The following TRAIP variants were observed in gnomAD, a reference collection of about 807,000 sequenced individuals.
TRAIP encodes the protein E3 ubiquitin-protein ligase TRAIP.
A neutral mutation model predicts 65.0 loss-of-function variants in TRAIP; 37 were observed. The observed-to-expected ratio is 0.57, with a 90% confidence interval of 0.44 to 0.75. The LOEUF (loss-of-function observed/expected upper bound fraction) is 0.75. Among genes scored for constraint, TRAIP ranks in the 30% least tolerant of loss-of-function variants. The probability of loss-of-function intolerance (pLI) is 0.00; values close to 1 mark genes in which losing one functional copy is unlikely to be tolerated. For synonymous variants in TRAIP, 187 were observed against 219.1 expected, an observed-to-expected ratio of 0.85 and a Z score of 1.29; for missense variants, 481 against 579.4, an observed-to-expected ratio of 0.83 and a Z score of 1.74.
chr3:49,848,051 A>C, intron 2 of TRAIP, 92 bp downstream of exon 2: 1 of 1,454,078 alleles, frequency 6.9e-7, no homozygotes, highest in Non-Finnish European at 9.6e-7. Context: ...AAAAAAGGTC[A>C]GAGATATTGC....
chr3:49,832,232 C>T (rs1313220044), intron 10 of TRAIP, among the ~76,000 whole-genome samples, 164 bp from the exon 11 acceptor site: 1 of 152,146 alleles, frequency 6.6e-6, no homozygotes, highest in Admixed American at 6.5e-5. Flanking sequence ...GTGGCTCACG[C>T]CTGTAATCCC....
At chr3:49,841,253 A>G (rs2081837060) in intron 7 of TRAIP, among the ~76,000 whole-genome samples, 181 bp from the exon 8 acceptor site, 1 of 152,200 alleles carries the variant, frequency 6.6e-6, no homozygotes, top group Non-Finnish European at 1.5e-5. Context: ...AATGCAAGGA[A>G]GTGACTATTT....
intron 10 of TRAIP, among the ~76,000 whole-genome samples, chr3:49,836,187 T>A (rs2081785048): frequency 6.6e-6 from 1 of 151,936 alleles, no homozygotes; most frequent in African/African-American, 2.4e-5. Flanking sequence ...ATTTTCCTAA[T>A]TTTAAATTAA....
At chr3:49,839,586 C>T (rs1192352454) in intron 10 of TRAIP, 186 bp downstream of exon 10, 8 of 609,674 alleles carry the variant, frequency 1.3e-5, no homozygotes, top group Admixed American at 8.5e-5. Flanking sequence ...CTGGCCTCTC[C>T]GTGTCAGAGC....
At chr3:49,848,738 T>C (rs2081906004) in intron 1 of TRAIP, among the ~76,000 whole-genome samples, 1 of 152,294 alleles carries the variant, frequency 6.6e-6, no homozygotes, top group East Asian at 1.9e-4. Context: ...AAATGATAAA[T>C]GCTTGAGGTG....
rs2081739391 is a variant in TRAIP, at chr3:49,832,125, C to T, written c.885-57G>A. ...CCACAGTGGTAACCCAGGACAACAGCTCCTGAAGCATCAGAGATAACTCAG... is the reference window on the plus strand; with the variant it reads ...CCACAGTGGTAACCCAGGACAACAGTTCCTGAAGCATCAGAGATAACTCAG... On this transcript the variant is annotated intron_variant, in intron 10 of 14. Transcript: ENST00000331456. The T allele has an allele frequency of 6.8e-6, 10 of 1,476,964 alleles. No homozygotes were observed. The South Asian group carries it at 8.5e-5, about 13-fold the overall frequency. 91.5% of individuals were successfully genotyped at this position (1,476,964 alleles called of 1,614,324 possible). A position where few individuals can be genotyped will look rare whatever the true frequency, so the allele number is the denominator to read the frequency against.
At position 49,837,446 on chromosome 3, in the gene TRAIP, G is replaced by C. The variant is rs2081798749; in HGVS notation, c.884+2326C>G. 2.6e-5 allele frequency among the ~76,000 whole-genome samples: 4 copies of C among 152,144 alleles called. No homozygotes were observed. In the South Asian group the frequency reaches 8.3e-4, roughly 32 times the overall value. On this transcript the variant is annotated intron_variant, in intron 10 of 14. Coordinates refer to ENST00000331456, the MANE Select transcript of TRAIP (RefSeq NM_005879.3). ...CCACTGCACTCCAGCCTGGGCAACA[G>C]AATGAGGCCCTATCTCAAAACAAAC...
intron 1 of TRAIP, among the ~76,000 whole-genome samples, chr3:49,854,834 ATTAC>A (rs1439667686): frequency 6.6e-6 from 1 of 151,898 alleles, no homozygotes; most frequent in Non-Finnish European, 1.5e-5. Context: ...AGGTGGGTGG[ATTAC>A]TTGAGTCCAG....
rs998555896 is a variant in TRAIP at position 49,856,447 on chromosome 3, T to C, written c.7A>G (p.Ile3Val). 7 of 1,613,582 alleles carry C rather than the reference T, an allele frequency of 4.3e-6. No homozygotes were observed. The highest frequency in any genetic ancestry group is 1.3e-5 in the African/African-American group (1 of 74,922). The change falls in exon 1 of 15, where the codon ATC becomes GTC. Residue 3 changes from isoleucine to valine, a missense_variant. Transcript: ENST00000331456. MP[I>V]RALCTICSDF... ...GAGCAGATAGTGCACAGAGCACGGATAGGCATGATGGCTGGACTCAAGGGG... is the reference window on the plus strand; with the variant it reads ...GAGCAGATAGTGCACAGAGCACGGACAGGCATGATGGCTGGACTCAAGGGG...
At chr3:49,840,225 T>C (rs938100733) in intron 9 of TRAIP, 59 bp downstream of exon 9, 47 of 1,479,886 alleles carry the variant, frequency 3.2e-5, no homozygotes, top group Non-Finnish European at 4.2e-5. Flanking sequence ...AGCCCAGCCC[T>C]GCTCTGGGAG....
At chr3:49,855,891 T>C (rs910828285) in intron 1 of TRAIP, among the ~76,000 whole-genome samples, 1 of 151,970 alleles carries the variant, frequency 6.6e-6, no homozygotes, top group Non-Finnish European at 1.5e-5. Context: ...GTTAAACGGG[T>C]TTGCTGACAT....
At chr3:49,836,435 G>A (rs1008662733) in intron 10 of TRAIP, among the ~76,000 whole-genome samples, 6 of 151,986 alleles carry the variant, frequency 3.9e-5, no homozygotes, top group African/African-American at 7.3e-5. Flanking sequence ...AGGTTGCAGC[G>A]AGCCAAGATT....
At chr3:49,833,159 A>G (rs1318664154) in intron 10 of TRAIP, among the ~76,000 whole-genome samples, 1 of 152,290 alleles carries the variant, frequency 6.6e-6, no homozygotes, top group Non-Finnish European at 1.5e-5. Flanking sequence ...TTTTTGCAGT[A>G]TCCATATTCT....
At position 49,828,992 on chromosome 3, in the gene TRAIP, C is replaced by T. The variant is rs2081707199; in HGVS notation, c.*111G>A. The T allele has an allele frequency of 4.7e-6, 7 of 1,480,328 alleles. No homozygotes were observed. The highest frequency in any genetic ancestry group is 6.5e-6 in the Non-Finnish European group (7 of 1,072,248). The allele number at this position is 1,480,328 out of a possible 1,614,324, so 91.7% of individuals were successfully genotyped here. On this transcript the variant is annotated 3_prime_UTR_variant, in exon 15 of 15. Transcript: ENST00000331456. ...ACCCTCACCTGTTTGTCTGCCCTTA[C>T]ACCTCAGGCTGGTCCCGAAAGTGGG...
rs756941913 is a variant in TRAIP at position 49,831,971 on chromosome 3, G to A, written c.982C>T (p.Arg328Trp). ...TAACCATGCTGGGAGCTGGAGGGCCGGGCTGGGGGAGTATCCACATCAAAG... is the reference window on the plus strand; with the variant it reads ...TAACCATGCTGGGAGCTGGAGGGCCAGGCTGGGGGAGTATCCACATCAAAG... ...ATFDVDTPPA[R>W]PSSSQHGYYE... Residue 328 changes from arginine to tryptophan, a missense_variant, in exon 11 of 15, where the codon CGG becomes TGG. Coordinates refer to ENST00000331456, the MANE Select transcript of TRAIP (RefSeq NM_005879.3). The A allele has an allele frequency of 2.5e-5, 40 of 1,604,816 alleles. No homozygotes were observed. Among genetic ancestry groups the A allele is most frequent in the Non-Finnish European group, 3.1e-5 (36 of 1,175,792 alleles).
intron 1 of TRAIP, among the ~76,000 whole-genome samples, chr3:49,850,472 G>A (rs1024633548): frequency 4.0e-5 from 6 of 150,574 alleles, no homozygotes; most frequent in African/African-American, 1.2e-4. Flanking sequence ...GCACTCCAGC[G>A]TGAGGGACAT....
chr3:49,852,147 T>C (rs2081937886), intron 1 of TRAIP, among the ~76,000 whole-genome samples: 2 of 149,700 alleles, frequency 1.3e-5, no homozygotes, highest in African/African-American at 4.9e-5. Context: ...GGCGGGCAGA[T>C]CACGAGGTCA....
At chr3:49,850,386 C>A (rs1229999201) in intron 1 of TRAIP, among the ~76,000 whole-genome samples, 2 of 151,686 alleles carry the variant, frequency 1.3e-5, no homozygotes, top group Non-Finnish European at 2.9e-5. Flanking sequence ...GTAATCCCAG[C>A]TACTTGGGAG....
chr3:49,849,363 C>T (rs1424376623), intron 1 of TRAIP, among the ~76,000 whole-genome samples: 7 of 150,926 alleles, frequency 4.6e-5, no homozygotes, highest in Admixed American at 4.0e-4. Context: ...CAGTGGCTCA[C>T]GCCTGTAATC....
Sources: gnomAD v4.1 joint callset for allele counts (sites outside exome capture counted in the v4.1 genomes callset) on GRCh38, gnomAD v4.1.1 for gene constraint, MANE v1.5 for transcripts, NCBI Gene and HGNC (gene_info 2026-07-23, HGNC 2026-07-21) for gene names.